CCDC57: variants seen among roughly 807,000 people sequenced by gnomAD.
The protein encoded by CCDC57 is coiled-coil domain containing 57.
Under a neutral mutation model 118.9 loss-of-function variants are expected in CCDC57, and 118 were observed. The observed-to-expected ratio is 0.99, with a 90% CI of 0.86 to 1.16. The LOEUF (loss-of-function observed/expected upper bound fraction) is 1.16. Among genes scored for constraint, CCDC57 ranks in the 50% most tolerant of loss-of-function variants. The pLI, the probability that CCDC57 is intolerant of heterozygous loss-of-function variation, is 0.00. For synonymous variants in CCDC57, 527 were observed against 532.9 expected, an observed-to-expected ratio of 0.99 and a Z score of 0.15; for missense variants, 1,300 against 1,320.7, an observed-to-expected ratio of 0.98 and a Z score of 0.24.
chr17:82,146,812 T>C (rs1366951454), intron 16 of CCDC57, among the ~76,000 whole-genome samples: 1 of 152,114 alleles, frequency 6.6e-6, no homozygotes, highest in Non-Finnish European at 1.5e-5. Flanking sequence ...CACAAACGTG[T>C]GTGCACACAG....
chr17:82,117,766 C>CAAA (rs1376952041), intron 19 of CCDC57, among the ~76,000 whole-genome samples: 15 of 151,774 alleles, frequency 9.9e-5, no homozygotes, highest in African/African-American at 2.2e-4. Flanking sequence ...AACAAACAAA[C>CAAA]CATTTGCTAA....
chr17:82,157,892 C>T, exon 15 of CCDC57: 1 of 1,571,468 alleles, frequency 6.4e-7, no homozygotes. Context: ...GTACCTGGTC[C>T]ACCTCACGGG....
At position 82,140,750 on chromosome 17, in the gene CCDC57, C is replaced by T. The variant is rs144594995; in HGVS notation, c.2456-6556G>A. ...AGCAGCCACTTGTAAGGAACCACAGCGATGTTACAGAGCCCACATCCACGA... is the reference window on the plus strand; with the variant it reads ...AGCAGCCACTTGTAAGGAACCACAGTGATGTTACAGAGCCCACATCCACGA... On this transcript the variant is annotated intron_variant, in intron 16 of 19. Coordinates refer to ENST00000665763, the Ensembl canonical transcript of CCDC57. Among the ~76,000 whole-genome samples the T allele has an allele frequency of 6.1e-3, 927 of 152,262 alleles. 10 individuals are homozygous for T. The highest frequency in any genetic ancestry group is 0.024 in the Middle Eastern group (7 of 292).
intron 16 of CCDC57, among the ~76,000 whole-genome samples, chr17:82,149,303 T>C (rs1010613722): frequency 3.0e-4 from 46 of 151,344 alleles, no homozygotes; most frequent in African/African-American, 1.0e-3. Context: ...GGTGGTTGGA[T>C]AGATGGATGG....
At chr17:82,148,088 G>GGATA (rs146444481) in intron 16 of CCDC57, among the ~76,000 whole-genome samples, 81,409 of 84,052 alleles carry the variant, frequency 0.97, 39,574 homozygotes, top group East Asian at 1. Flanking sequence ...ATGGGTGGAT[G>GGATA]GATGGATGGG....
chr17:82,126,545 C>CA, intron 19 of CCDC57: 1 of 985,176 alleles, frequency 1.0e-6, no homozygotes, highest in Non-Finnish European at 1.2e-6. Context: ...CCTAAACACA[C>CA]ACGAAGATGC....
At chr17:82,130,044 A>T (rs9900128) in intron 17 of CCDC57, among the ~76,000 whole-genome samples, 70,836 of 151,712 alleles carry the variant, frequency 0.47, 17,339 homozygotes, top group East Asian at 0.88. Context: ...ACAAAAAAAA[A>T]TTAAAAATTA....
chr17:82,191,202 C>T (rs2047633697), intron 7 of CCDC57, among the ~76,000 whole-genome samples: 1 of 152,130 alleles, frequency 6.6e-6, no homozygotes, highest in South Asian at 2.1e-4. Context: ...GCTGACCCCA[C>T]AGCAGAGGAA....
At position 82,178,368 on chromosome 17, in the gene CCDC57, C is replaced by G. The variant is rs1323407662; in HGVS notation, c.1506+106G>C. The G allele has an allele frequency of 9.7e-6, 13 of 1,343,378 alleles. No homozygotes were observed. The East Asian group carries it at 3.3e-4, about 34-fold the overall frequency. 83.2% of individuals were successfully genotyped at this position (1,343,378 alleles called of 1,614,324 possible). A position where few individuals can be genotyped will look rare whatever the true frequency, so the allele number is the denominator to read the frequency against. On this transcript the variant is annotated intron_variant, in intron 11 of 19. Transcript: ENST00000665763. Reference sequence around the variant, plus strand: ...TGCAACAGGTCATTTAAAAAGAACACAACTGAAAGACTTAGCTCCAGTCTT... The same window carrying G: ...TGCAACAGGTCATTTAAAAAGAACAGAACTGAAAGACTTAGCTCCAGTCTT...
intron 16 of CCDC57, among the ~76,000 whole-genome samples, chr17:82,147,577 A>G (rs548716975): frequency 7.7e-6 from 1 of 130,262 alleles, no homozygotes; most frequent in East Asian, 2.6e-4. Context: ...GGGTGTACGA[A>G]TGGATGGATG....
At chr17:82,107,327 A>G in intron 19 of CCDC57, 1 of 434,534 alleles carries the variant, frequency 2.3e-6, no homozygotes, top group Non-Finnish European at 4.7e-6. Flanking sequence ...GGGGGGATGC[A>G]TGGCACAGTG....
chr17:82,141,477 C>T lies in CCDC57; in HGVS notation c.2456-7283G>A, dbSNP rs548637702. ...TTGGGATTACAGGCGTGAGCCACCG[C>T]GACTGCCCTAAAATTATTTTTTAAA... On this transcript the variant is annotated intron_variant, in intron 16 of 19. Coordinates refer to ENST00000665763, the Ensembl canonical transcript of CCDC57. Among the ~76,000 whole-genome samples, 519 of 152,242 alleles carry T rather than the reference C, an allele frequency of 3.4e-3. 1 individual carries two copies. Among genetic ancestry groups the T allele is most frequent in the Non-Finnish European group, 3.5e-3 (235 of 68,010 alleles).
chr17:82,103,912 C>T (rs1378182336), intron 19 of CCDC57, among the ~76,000 whole-genome samples: 1 of 152,200 alleles, frequency 6.6e-6, no homozygotes, highest in African/African-American at 2.4e-5. Flanking sequence ...ATCCACTTTA[C>T]AGGCTCTGGT....
At chr17:82,168,149 G>C (rs1294622963) in intron 13 of CCDC57, among the ~76,000 whole-genome samples, 2 of 152,136 alleles carry the variant, frequency 1.3e-5, no homozygotes, top group Non-Finnish European at 2.9e-5. Context: ...TATAATTATG[G>C]GTTGACAGTT....
At position 82,160,512 on chromosome 17, in the gene CCDC57, T is replaced by C. The variant is rs1465897905; in HGVS notation, c.2041-2564A>G. 22 of 150,586 alleles carry C rather than the reference T, an allele frequency of 1.5e-4. No homozygotes were observed. The Admixed American group carries it at 1.5e-3, about 10-fold the overall frequency. 9.3% of individuals were successfully genotyped at this position (150,586 alleles called of 1,614,324 possible). On this transcript the variant is annotated intron_variant, in intron 14 of 19. Coordinates refer to ENST00000665763, the Ensembl canonical transcript of CCDC57. Reference sequence around the variant, plus strand: ...CAGGCCAGGTGCAGTGGCTCATACCTGTAATGCCAGCACTTTGGGAGGCAG... The same window carrying C: ...CAGGCCAGGTGCAGTGGCTCATACCCGTAATGCCAGCACTTTGGGAGGCAG...
At chr17:82,130,849 T>C (rs2038256484) in intron 17 of CCDC57, among the ~76,000 whole-genome samples, 1 of 150,478 alleles carries the variant, frequency 6.6e-6, no homozygotes, top group Non-Finnish European at 1.5e-5. Context: ...TCTCACTCTG[T>C]CACCCAGGCT....
chr17:82,160,873 C>CAAAAAAAAAAAA (rs55750984), intron 14 of CCDC57, among the ~76,000 whole-genome samples: 1 of 60,868 alleles, frequency 1.6e-5, no homozygotes, highest in African/African-American at 6.8e-5. Context: ...GACTCTGTCT[C>CAAAAAAAAAAAA]AAAAAAAAAA....
At chr17:82,178,971 A>G in intron 10 of CCDC57, 56 bp downstream of exon 9, 1 of 1,575,416 alleles carries the variant, frequency 6.3e-7, no homozygotes, top group African/African-American at 1.4e-5. Flanking sequence ...CGTCCTGCCC[A>G]GCCCCACCTC....
At chr17:82,102,686 T>C (rs1328306092) in intron 19 of CCDC57, among the ~76,000 whole-genome samples, 2 of 152,002 alleles carry the variant, frequency 1.3e-5, no homozygotes, top group African/African-American at 4.8e-5. Context: ...AGTTCAAGAC[T>C]AGCCTGGCCA....
Sources: allele counts gnomAD v4.1 joint callset (sites outside exome capture counted in the v4.1 genomes callset), GRCh38; gene constraint gnomAD v4.1.1; transcripts MANE v1.5; gene names NCBI Gene and HGNC (gene_info 2026-07-23, HGNC 2026-07-21).